Variants in CEP164 observed in about 807,000 individuals in gnomAD.
The protein encoded by CEP164 is centrosomal protein 164.
CEP164 carries 162 observed loss-of-function variants against 182.7 expected under a neutral mutation model. The observed-to-expected ratio is 0.89, with a 90% CI of 0.78 to 1.01. CEP164 has a LOEUF of 1.01. Ranked by LOEUF, CEP164 falls within the 50% of genes least tolerant of loss-of-function variation. The probability of loss-of-function intolerance (pLI) is 0.00; values close to 1 mark genes in which losing one functional copy is unlikely to be tolerated. For missense variants in CEP164, 1,735 were observed against 1,790.4 expected, an observed-to-expected ratio of 0.97 and a Z score of 0.56; for synonymous variants, 661 against 690.0, an observed-to-expected ratio of 0.96 and a Z score of 0.66.
At chr11:117,387,099 T>A in intron 14 of CEP164, 104 bp from the exon 15 acceptor site, 1 of 1,010,546 alleles carries the variant, frequency 9.9e-7, no homozygotes, top group South Asian at 1.5e-5. Context: ...TTGTGGGCCC[T>A]CCATTAGGAT....
chr11:117,344,037 T>C, intron 3 of CEP164, 129 bp from the exon 4 acceptor site: 1 of 615,598 alleles, frequency 1.6e-6, no homozygotes, highest in South Asian at 2.0e-5. Context: ...ATTATATATG[T>C]TTATTGTTTA....
chr11:117,382,598 G>A, intron 13 of CEP164, 198 bp from the exon 14 acceptor site: 1 of 602,124 alleles, frequency 1.7e-6, no homozygotes, highest in Non-Finnish European at 2.9e-6. Context: ...CCATTGTGAG[G>A]CAGGAGTCTC....
chr11:117,332,493 T>G (rs1011856447), intron 1 of CEP164, among the ~76,000 whole-genome samples: 3 of 152,062 alleles, frequency 2.0e-5, no homozygotes, highest in African/African-American at 7.2e-5. Context: ...GGAGAATCGC[T>G]TGAACCCAGG....
Position 117,394,213 on chromosome 11 carries a change from T to A in CEP164, c.2617-137T>A. Reference sequence around the variant, plus strand: ...GGTGCTGTGCTTGTAACCCTCCTCTTCTCCAAGAGCTGGCTTTAGGGAGCC... The same window carrying A: ...GGTGCTGTGCTTGTAACCCTCCTCTACTCCAAGAGCTGGCTTTAGGGAGCC... On this transcript the variant is annotated intron_variant, in intron 20 of 32. Transcript: ENST00000278935. This position sits in a 1 kb window ranked among gnomAD's most constrained non-coding sequence, Gnocchi z 4.0. 1 of 1,192,230 alleles carries A rather than the reference T, an allele frequency of 8.4e-7. No homozygotes were observed. Among genetic ancestry groups the A allele is most frequent in the South Asian group, 1.5e-5 (1 of 66,802 alleles). The allele number at this position is 1,192,230 out of a possible 1,614,324, so 73.9% of individuals were successfully genotyped here.
chr11:117,412,475 G>A lies in CEP164; in HGVS notation c.*307G>A. The A allele has an allele frequency of 3.5e-6, 1 of 284,038 alleles. No individual in the cohort carries two copies. Among genetic ancestry groups the A allele is most frequent in the Non-Finnish European group, 6.8e-6 (1 of 147,704 alleles). 17.6% of individuals were successfully genotyped at this position (284,038 alleles called of 1,614,324 possible). A position where few individuals can be genotyped will look rare whatever the true frequency, so the allele number is the denominator to read the frequency against. ...TGGGAGGAAGGGAGGCGTTAGAGGA[G>A]CTGCCTTCGGAGGCTCAGGGAGTCC... is the stretch of plus-strand genomic sequence containing the variant. On this transcript the variant is annotated 3_prime_UTR_variant, in exon 33 of 33. Transcript: ENST00000278935.
intron 1 of CEP164, among the ~76,000 whole-genome samples, chr11:117,330,522 G>T (rs762511848): frequency 5.9e-5 from 9 of 152,130 alleles, no homozygotes; most frequent in African/African-American, 9.7e-5. Flanking sequence ...GGTGGCAGGC[G>T]CCTGTAATCC....
intron 4 of CEP164, among the ~76,000 whole-genome samples, chr11:117,351,551 A>G (rs2039623100): frequency 6.6e-6 from 1 of 151,884 alleles, no homozygotes; most frequent in East Asian, 1.9e-4. Flanking sequence ...AGGTATCCCA[A>G]TCCTTTCTTC....
chr11:117,326,444 G>T (rs1158644709), upstream of CEP164, among the ~76,000 whole-genome samples: 1 of 151,498 alleles, frequency 6.6e-6, no homozygotes, highest in East Asian at 1.9e-4. Flanking sequence ...TATTGGCCAG[G>T]CTGGTCTCGA....
At chr11:117,408,739 A>G (rs946699573) in intron 28 of CEP164, 151 bp from the exon 29 acceptor site, 24 of 938,244 alleles carry the variant, frequency 2.6e-5, no homozygotes, top group Non-Finnish European at 3.8e-5. Flanking sequence ...GGAGATGGCC[A>G]TATTTCATGG....
At chr11:117,356,667 G>A (rs778831590) in intron 5 of CEP164, 2 of 1,223,006 alleles carry the variant, frequency 1.6e-6, no homozygotes, top group Non-Finnish European at 2.1e-6. Flanking sequence ...GGCAGGGAGG[G>A]AGCAGGTGGA....
chr11:117,323,305 C>CTT (rs557331639), upstream of CEP164, among the ~76,000 whole-genome samples: 1 of 146,562 alleles, frequency 6.8e-6, no homozygotes. Flanking sequence ...ATGAGATCAA[C>CTT]TTTTTTTTTT....
chr11:117,412,030 G>C, intron 32 of CEP164, 42 bp from the exon 33 acceptor site: 1 of 1,612,582 alleles, frequency 6.2e-7, no homozygotes, highest in Non-Finnish European at 8.5e-7. Context: ...CCCCTGCCTG[G>C]CTATGCCCAG....
At chr11:117,393,282 G>A (rs563761807) in intron 20 of CEP164, among the ~76,000 whole-genome samples, 156 bp downstream of exon 20, 1 of 152,210 alleles carries the variant, frequency 6.6e-6, no homozygotes, top group Non-Finnish European at 1.5e-5. Context: ...ATAAACTGTG[G>A]TCAGGGATTG....
chr11:117,383,881 C>A (rs560414464), intron 14 of CEP164, among the ~76,000 whole-genome samples: 12 of 152,258 alleles, frequency 7.9e-5, no homozygotes, highest in Admixed American at 7.8e-4. Flanking sequence ...ACTAAAAATA[C>A]AAAAATTAGC....
rs1175922253 is a variant in CEP164 at position 117,411,717 on chromosome 11, A to T, written c.4164-78A>T. On this transcript the variant is annotated intron_variant, in intron 31 of 32. Transcript: ENST00000278935. This position sits in a 1 kb window ranked among gnomAD's most constrained non-coding sequence, Gnocchi z 4.4. ...GAGAGAAAGAGGGAGGAGGTGACAGATGTGATGGCCTCTGTGCATCCTCTG... is the reference window on the plus strand; with the variant it reads ...GAGAGAAAGAGGGAGGAGGTGACAGTTGTGATGGCCTCTGTGCATCCTCTG... The T allele has an allele frequency of 6.3e-7, 1 of 1,583,292 alleles. No individual in the cohort carries two copies. Among genetic ancestry groups the T allele is most frequent in the Non-Finnish European group, 8.6e-7 (1 of 1,162,070 alleles).
intron 27 of CEP164, among the ~76,000 whole-genome samples, chr11:117,407,483 GAAAAAGA>G (rs2046838056): frequency 1.5e-5 from 2 of 130,046 alleles, no homozygotes; most frequent in Non-Finnish European, 3.3e-5. Flanking sequence ...AAAAAAAAGA[GAAAAAGA>G]AAAAAGAAAA....
chr11:117,373,085 T>C (rs2042381521), intron 9 of CEP164, among the ~76,000 whole-genome samples: 1 of 152,026 alleles, frequency 6.6e-6, no homozygotes, highest in African/African-American at 2.4e-5. Flanking sequence ...AGAGCTTTTA[T>C]CGGCCGGGCA....
chr11:117,323,156 C>T (rs1335651315), upstream of CEP164, among the ~76,000 whole-genome samples: 1 of 152,164 alleles, frequency 6.6e-6, no homozygotes, highest in Non-Finnish European at 1.5e-5. Flanking sequence ...TCACCTCCAC[C>T]TCCCAAAGTG....
chr11:117,345,196 A>G (rs1385720366), intron 4 of CEP164, among the ~76,000 whole-genome samples: 4 of 152,164 alleles, frequency 2.6e-5, no homozygotes, highest in African/African-American at 9.7e-5. Flanking sequence ...TGATTCACTC[A>G]GTGGTTGTCT....
Sources: allele counts gnomAD v4.1 joint callset (sites outside exome capture counted in the v4.1 genomes callset), GRCh38; gene constraint gnomAD v4.1.1; non-coding constraint Gnocchi (gnomAD v3.1); transcripts MANE v1.5; gene names NCBI Gene and HGNC (gene_info 2026-07-23, HGNC 2026-07-21).